The following DENND4A variants were observed in gnomAD, a reference collection of about 807,000 sequenced individuals.
DENND4A encodes the protein DENN domain containing 4A.
A neutral mutation model predicts 199.3 loss-of-function variants in DENND4A; 70 were observed. The ratio of observed to expected loss-of-function variants is 0.35; its 90% CI spans 0.29 to 0.43. The LOEUF (loss-of-function observed/expected upper bound fraction) is 0.43. Among genes scored for constraint, DENND4A ranks in the 20% least tolerant of loss-of-function variants. DENND4A has a pLI of 1.00. For synonymous variants in DENND4A, 686 were observed against 766.9 expected (o/e 0.89, Z 1.74); for missense variants, 1,723 against 2,255.8 (o/e 0.76, Z 4.78).
chr15:65,731,461 G>T (rs28556680), intron 9 of DENND4A, 181 bp downstream of exon 9: 315,487 of 628,634 alleles, frequency 0.5, 85,151 homozygotes, highest in African/African-American at 0.83. Context: ...AACACTATTA[G>T]AAAAGTTTCC....
intron 2 of DENND4A, among the ~76,000 whole-genome samples, chr15:65,760,430 G>A (rs537360052): frequency 1.4e-4 from 21 of 152,106 alleles, no homozygotes; most frequent in Admixed American, 1.2e-3. Flanking sequence ...CCTGGGAGGC[G>A]GAGGTTGCAG....
chr15:65,667,668 G>C lies in DENND4A; in HGVS notation c.5022C>G (p.Pro1674=). The C allele has an allele frequency of 6.2e-7, 1 of 1,613,884 alleles. No individual in the cohort carries two copies. Among genetic ancestry groups the C allele is most frequent in the Non-Finnish European group, 8.5e-7 (1 of 1,179,862 alleles). ...TAAGATACGGAACAGTGACAGGATC[G>C]GGACTTGGAAGGTGCCATTCTAAAC... ...SLGLEWHLPS[P]DPVTVPYLSP... Residue 1674 remains proline (P), a synonymous_variant, in exon 29 of 33, where the codon CCC becomes CCG. Transcript: ENST00000443035.
intron 22 of DENND4A, among the ~76,000 whole-genome samples, chr15:65,694,552 TACACACAAAC>T (rs757909848): frequency 1.6e-4 from 25 of 152,290 alleles, no homozygotes; most frequent in Admixed American, 9.8e-4. Context: ...TGTATACATT[TACACACAAAC>T]ACACACAAAC....
At chr15:65,773,197 T>C (rs1011198510) in intron 1 of DENND4A, among the ~76,000 whole-genome samples, 5 of 152,156 alleles carry the variant, frequency 3.3e-5, no homozygotes, top group Non-Finnish European at 7.3e-5. Context: ...TCTAGTCTTC[T>C]AGTCATTTCT....
intron 25 of DENND4A, among the ~76,000 whole-genome samples, 197 bp downstream of exon 25, chr15:65,671,595 G>T (rs983400881): frequency 2.6e-5 from 4 of 152,122 alleles, no homozygotes; most frequent in Non-Finnish European, 5.9e-5. Flanking sequence ...TCACCATATT[G>T]GCCAGGCTGG....
chr15:65,722,997 G>A (rs1056084708), intron 11 of DENND4A, 49 bp from the exon 12 acceptor site: 5 of 1,445,288 alleles, frequency 3.5e-6, no homozygotes, highest in South Asian at 2.6e-5. Context: ...GTCTTTTGGA[G>A]GGGAAAGGTA....
intron 11 of DENND4A, among the ~76,000 whole-genome samples, chr15:65,725,699 A>T (rs904116442): frequency 2.7e-5 from 4 of 149,180 alleles, no homozygotes; most frequent in African/African-American, 7.5e-5. Context: ...TAAAAAAAAT[A>T]AAAAAAAGAA....
At chr15:65,752,328 T>C (rs1277004456) in intron 4 of DENND4A, 51 bp downstream of exon 4, 7 of 831,214 alleles carry the variant, frequency 8.4e-6, no homozygotes, top group Non-Finnish European at 1.2e-5. Flanking sequence ...TATTTAAAAT[T>C]ATGCTCTTTT....
chr15:65,728,904 C>T, intron 11 of DENND4A, 168 bp downstream of exon 11: 1 of 704,584 alleles, frequency 1.4e-6, no homozygotes, highest in South Asian at 1.5e-5. Context: ...TCTAAATCTA[C>T]TCCATTGACG....
chr15:65,761,815 G>C (rs1311718302), intron 1 of DENND4A, among the ~76,000 whole-genome samples: 1 of 151,800 alleles, frequency 6.6e-6, no homozygotes, highest in East Asian at 1.9e-4. Flanking sequence ...TCATTCACAG[G>C]GGAAAAATGT....
intron 25 of DENND4A, among the ~76,000 whole-genome samples, 199 bp from the exon 26 acceptor site, chr15:65,670,387 G>A (rs1055611611): frequency 6.6e-6 from 1 of 152,140 alleles, no homozygotes; most frequent in South Asian, 2.1e-4. Context: ...TGCCTGAAAG[G>A]GAAACTTGCT....
At chr15:65,726,486 T>C (rs189741287) in intron 11 of DENND4A, among the ~76,000 whole-genome samples, 49 of 152,358 alleles carry the variant, frequency 3.2e-4, no homozygotes, top group African/African-American at 1.2e-3. Flanking sequence ...AATCTATTGA[T>C]GCCGTATGTA....
Position 65,760,462 on chromosome 15 carries a change from C to T in DENND4A, c.-23+898G>A, listed in dbSNP as rs530899571. Among the ~76,000 whole-genome samples the T allele has an allele frequency of 7.9e-5, 12 of 152,286 alleles. No homozygotes were observed. The East Asian group carries it at 2.3e-3, about 29-fold the overall frequency. ...GCAGTGAGCTGAGATCATGCCACTG[C>T]ACTCCAGCCTGGGCAAGAGTGAGAC... On this transcript the variant is annotated intron_variant, in intron 2 of 32. Transcript: ENST00000443035.
At chr15:65,788,316 C>T (rs923609035) in intron 1 of DENND4A, among the ~76,000 whole-genome samples, 4 of 152,114 alleles carry the variant, frequency 2.6e-5, no homozygotes, top group Non-Finnish European at 5.9e-5. Context: ...ACCTTGCGAT[C>T]CGCCCACCTC....
intron 4 of DENND4A, among the ~76,000 whole-genome samples, chr15:65,747,230 C>A (rs1276533321): frequency 6.6e-6 from 1 of 152,146 alleles, no homozygotes; most frequent in Non-Finnish European, 1.5e-5. Flanking sequence ...TTCTTCTTCA[C>A]AAATTTTTGC....
intron 1 of DENND4A, 76 bp from the exon 2 acceptor site, chr15:65,761,514 T>TAA (rs2076847649): frequency 6.6e-6 from 1 of 152,216 alleles, no homozygotes; most frequent in Non-Finnish European, 1.5e-5. Flanking sequence ...TGTGGATACT[T>TAA]AAAGTTCTGT....
chr15:65,790,587 G>T (rs535580411), intron 1 of DENND4A, among the ~76,000 whole-genome samples: 1 of 152,254 alleles, frequency 6.6e-6, no homozygotes, highest in East Asian at 1.9e-4. Context: ...GATAACATAT[G>T]CTGTTCTGGA....
At chr15:65,720,947 T>TTTTATATATATATATATA (rs1435137020) in intron 12 of DENND4A, among the ~76,000 whole-genome samples, 5 of 76,262 alleles carry the variant, frequency 6.6e-5, no homozygotes, top group African/African-American at 1.6e-4. Flanking sequence ...GTTTCATTGA[T>TTTTATATATATATATATA]TATATATATA....
Position 65,676,141 on chromosome 15 carries a change from A to AATATATATATATATATATAT in DENND4A, c.4369+284_4369+303dup, listed in dbSNP as rs57613461. On this transcript the variant is annotated intron_variant, in intron 24 of 32. Coordinates refer to ENST00000443035, the MANE Select transcript of DENND4A (RefSeq NM_001320835.1). ...AGAAGACAGGGAAGTAATAAGGAAAAATATATATATATATATATATATATA... is the reference window on the plus strand; with the variant it reads ...AGAAGACAGGGAAGTAATAAGGAAAAATATATATATATATATATATATATATATATATATATATATATATA... Among the ~76,000 whole-genome samples the AATATATATATATATATATAT allele has an allele frequency of 9.6e-3, 1,052 of 109,894 alleles. 16 individuals carry two copies. Among genetic ancestry groups the AATATATATATATATATATAT allele is most frequent in the East Asian group, 0.066 (106 of 1,608 alleles). 72.1% of individuals were successfully genotyped at this position (109,894 alleles called of 152,430 possible). A position where few individuals can be genotyped will look rare whatever the true frequency, so the allele number is the denominator to read the frequency against.
Sources: allele counts gnomAD v4.1 joint callset (sites outside exome capture counted in the v4.1 genomes callset), GRCh38; gene constraint gnomAD v4.1.1; transcripts MANE v1.5; gene names NCBI Gene and HGNC (gene_info 2026-07-23, HGNC 2026-07-21).